The following VMA21 variants were observed in gnomAD, a reference collection of about 807,000 sequenced individuals.
VMA21 encodes the protein vacuolar ATPase assembly factor VMA21.
For missense variants in VMA21, 61 were observed against 80.6 expected (o/e 0.76, Z 0.93); for synonymous variants, 47 against 34.1 (o/e 1.38, Z -1.32).
At chrX:151,397,111 GCGCGCCGCGC>G (rs1158989505), upstream of VMA21, 969 of 341,533 alleles carry the variant, frequency 2.8e-3, 10 homozygotes, top group African/African-American at 0.024. Context: ...CGTCGCTGCG[GCGCGCCGCGC>G]CGCGCCGCGC....
upstream of VMA21, chrX:151,397,124 C>CA: frequency 2.8e-6 from 1 of 354,617 alleles, no homozygotes; most frequent in East Asian, 5.3e-5. Flanking sequence ...CGCCGCGCCG[C>CA]GCCGCGCCTG....
intron 1 of VMA21, among the ~76,000 whole-genome samples, chrX:151,402,277 G>A (rs1311143072): frequency 1.8e-5 from 2 of 111,947 alleles, no homozygotes; most frequent in African/African-American, 3.3e-5. Flanking sequence ...TGCCTCCCAG[G>A]ATCAAGGGAT....
chrX:151,397,542 TC>T (rs1397831129), intron 1 of VMA21, among the ~76,000 whole-genome samples, 181 bp downstream of exon 1: 2 of 112,639 alleles, frequency 1.8e-5, no homozygotes, highest in South Asian at 7.3e-4. Flanking sequence ...CCCCGAACTT[TC>T]GCTCGGGAAC....
rs1007416588 is a variant in VMA21, at chrX:151,407,585, T to C, written c.*2527T>C. ...TAAGAATAACCTCAGTTAGGAGATA[T>C]AACTTGAAGTGTCAGTCCAAACTAC... On this transcript the variant is annotated 3_prime_UTR_variant, in exon 3 of 3. Transcript: ENST00000330374. 3 of 112,443 alleles carry C rather than the reference T, an allele frequency of 2.7e-5. No homozygotes were observed. Among genetic ancestry groups the C allele is most frequent in the African/African-American group, 6.5e-5 (2 of 30,832 alleles). 9.3% of individuals were successfully genotyped at this position (112,443 alleles called of 1,213,427 possible).
intron 2 of VMA21, among the ~76,000 whole-genome samples, 181 bp from the exon 3 acceptor site, chrX:151,404,735 A>G (rs1420493357): frequency 3.6e-5 from 4 of 112,183 alleles, no homozygotes; most frequent in African/African-American, 9.7e-5. Context: ...AATGTTCTTA[A>G]TATATAGAAG....
rs772969554 is a variant in VMA21, at chrX:151,400,984, G to A, written c.54-2647G>A. ...GCAAATATGTTTTCCTAGTCTGTAA[G>A]CTGCCTTTTCATTTTGTTGATTGTT... On this transcript the variant is annotated intron_variant, in intron 1 of 2. Transcript: ENST00000330374. 6.6e-4 allele frequency among the ~76,000 whole-genome samples: 74 copies of A among 112,014 alleles called. 1 individual carries two copies. The highest frequency in any genetic ancestry group is 2.3e-3 in the African/African-American group (70 of 30,870).
In VMA21 at chrX:151,409,023, A is replaced by G. The variant is rs2011324899; in HGVS notation, c.*3965A>G. 8.9e-6 allele frequency: 1 copy of G among 112,967 alleles called. No individual in the cohort carries two copies. The highest frequency in any genetic ancestry group is 1.9e-5 in the Non-Finnish European group (1 of 53,333). The allele number at this position is 112,967 out of a possible 1,213,427, so 9.3% of individuals were successfully genotyped here. Reference sequence around the variant, plus strand: ...ACCTTACAGTTTGCAAAGAACGTTCACACATTCTCATTTGAGTTTTGCATA... The same window carrying G: ...ACCTTACAGTTTGCAAAGAACGTTCGCACATTCTCATTTGAGTTTTGCATA... On this transcript the variant is annotated 3_prime_UTR_variant, in exon 3 of 3. Transcript: ENST00000330374.
chrX:151,405,009 T>C lies in VMA21; in HGVS notation c.257T>C (p.Val86Ala), dbSNP rs2011275167. 4 of 1,209,436 alleles carry C rather than the reference T, an allele frequency of 3.3e-6. No individual in the cohort carries two copies. The highest frequency in any genetic ancestry group is 4.5e-6 in the Non-Finnish European group (4 of 895,229). ...GTGGTGCTGGCCCTCTTTGTGTATG[T>C]GGCCTGGAATGAAGGCTCACGACAG... is the stretch of plus-strand genomic sequence containing the variant. ...VHVVLALFVY[V>A]AWNEGSRQWR... Residue 86 changes from valine to alanine, a missense_variant, in exon 3 of 3, where the codon GTG becomes GCG. By Grantham distance (64) the Val-to-Ala change is moderately conservative. Transcript: ENST00000330374.
Position 151,405,034 on chromosome X carries a change from G to A in VMA21, c.282G>A (p.Gln94=). The change falls in exon 3 of 3, where the codon CAG becomes CAA. Residue 94 remains glutamine (Q), a synonymous_variant. Transcript: ENST00000330374. ...TGGCCTGGAATGAAGGCTCACGACA[G>A]TGGCGTGAAGGCAAACAGGATTAAA... ...VYVAWNEGSR[Q]WREGKQD 1 of 1,211,283 alleles carries A rather than the reference G, an allele frequency of 8.3e-7. No homozygotes were observed. Among genetic ancestry groups the A allele is most frequent in the Non-Finnish European group, 1.1e-6 (1 of 895,564 alleles).
At chrX:151,396,616 A>T (rs1342470897), upstream of VMA21, 2 of 340,644 alleles carry the variant, frequency 5.9e-6, no homozygotes, top group Non-Finnish European at 1.0e-5. Context: ...GAGCTCTTTG[A>T]ACTCTGACAT....
Position 151,406,083 on chromosome X carries a change from A to G in VMA21, c.*1025A>G, listed in dbSNP as rs1430284703. 3 of 111,640 alleles carry G rather than the reference A, an allele frequency of 2.7e-5. No individual in the cohort carries two copies. Among genetic ancestry groups the G allele is most frequent in the Non-Finnish European group, 5.6e-5 (3 of 53,183 alleles). The allele number at this position is 111,640 out of a possible 1,213,427, so 9.2% of individuals were successfully genotyped here. A position where few individuals can be genotyped will look rare whatever the true frequency, so the allele number is the denominator to read the frequency against. On this transcript the variant is annotated 3_prime_UTR_variant, in exon 3 of 3. Transcript: ENST00000330374. Reference sequence around the variant, plus strand: ...ATGTGCAATCTAAAAACACTCCCACAAGTATTTGTTTTTTAATTATAAAAT... The same window carrying G: ...ATGTGCAATCTAAAAACACTCCCACGAGTATTTGTTTTTTAATTATAAAAT...
chrX:151,400,464 C>T (rs960943474), intron 1 of VMA21, among the ~76,000 whole-genome samples: 1 of 111,379 alleles, frequency 9.0e-6, no homozygotes, highest in African/African-American at 3.3e-5. Context: ...TCTACATACA[C>T]GTAGGTTGTT....
At chrX:151,401,428 T>C (rs999554171) in intron 1 of VMA21, among the ~76,000 whole-genome samples, 1 of 112,420 alleles carries the variant, frequency 8.9e-6, no homozygotes, top group Non-Finnish European at 1.9e-5. Context: ...TTACTATAAC[T>C]GTAATATTTT....
intron 2 of VMA21, among the ~76,000 whole-genome samples, chrX:151,404,142 C>T (rs930852340): frequency 8.3e-5 from 9 of 108,057 alleles, no homozygotes; most frequent in African/African-American, 2.7e-4. Flanking sequence ...GGCGCGATCT[C>T]GGCTCACCGC....
At chrX:151,396,984 C>T (rs1327458188), upstream of VMA21, 1 of 522,353 alleles carries the variant, frequency 1.9e-6, no homozygotes, top group Admixed American at 2.6e-5. Context: ...CGTGGAGTGG[C>T]TGGGCTACTC....
At chrX:151,402,694 G>A (rs746976515) in intron 1 of VMA21, among the ~76,000 whole-genome samples, 2 of 112,734 alleles carry the variant, frequency 1.8e-5, no homozygotes, top group Non-Finnish European at 3.7e-5. Context: ...GGGCGCACTG[G>A]TCCGTTCGCC....
chrX:151,396,933 C>A, upstream of VMA21: 1 of 524,515 alleles, frequency 1.9e-6, no homozygotes, highest in Non-Finnish European at 3.5e-6. Flanking sequence ...TAGCCGCCGC[C>A]CGCCCAGGAG....
At position 151,404,076 on chromosome X, in the gene VMA21, A is replaced by AT. The variant is rs34226325; in HGVS notation, c.163+352dup. Among the ~76,000 whole-genome samples the AT allele has an allele frequency of 8.2e-3, 813 of 98,606 alleles. 6 individuals carry two copies. The highest frequency in any genetic ancestry group is 0.013 in the Non-Finnish European group (628 of 49,162). The allele number at this position is 98,606 out of a possible 115,157, so 85.6% of individuals were successfully genotyped here. A position where few individuals can be genotyped will look rare whatever the true frequency, so the allele number is the denominator to read the frequency against. ...ATGAAGTCCCCTTTTTGATGTTGAAATTTTTTTTTTTTTTTTGAGACAGTT... is the reference window on the plus strand; with the variant it reads ...ATGAAGTCCCCTTTTTGATGTTGAAATTTTTTTTTTTTTTTTTGAGACAGTT... On this transcript the variant is annotated intron_variant, in intron 2 of 2. Transcript: ENST00000330374.
rs749869522 is a variant in VMA21, at chrX:151,409,312, A to G, written c.*4254A>G. 2.7e-5 allele frequency: 3 copies of G among 111,662 alleles called. No individual in the cohort carries two copies. The highest frequency in any genetic ancestry group is 3.8e-5 in the Non-Finnish European group (2 of 53,206). The allele number at this position is 111,662 out of a possible 1,213,427, so 9.2% of individuals were successfully genotyped here. ...TTGTATTCACTATATTGTAGCTTGT[A>G]ATTTGTATAAATGTACCATCTGATG... On this transcript the variant is annotated 3_prime_UTR_variant, in exon 3 of 3. Transcript: ENST00000330374.
Sources: allele counts gnomAD v4.1 joint callset (sites outside exome capture counted in the v4.1 genomes callset), GRCh38; gene constraint gnomAD v4.1.1; transcripts MANE v1.5; gene names NCBI Gene and HGNC (gene_info 2026-07-23, HGNC 2026-07-21).